DSCAM: variants seen among roughly 807,000 people sequenced by gnomAD.
The protein encoded by DSCAM is DS cell adhesion molecule, also known as cell adhesion molecule DSCAM.
DSCAM carries 47 observed loss-of-function variants against 217.7 expected under a neutral mutation model. The ratio of observed to expected loss-of-function variants is 0.22; its 90% confidence interval spans 0.17 to 0.28. The LOEUF is 0.28. Ranked by LOEUF, DSCAM falls within the 10% of genes least tolerant of loss-of-function variation. The pLI, the probability that DSCAM is intolerant of heterozygous loss-of-function variation, is 1.00. For synonymous variants in DSCAM, 1,056 were observed against 1,015.3 expected (o/e 1.04, Z -0.76); for missense variants, 2,080 against 2,618.3 (o/e 0.79, Z 4.49).
chr21:40,709,697 C>T (rs973507150), intron 1 of DSCAM, among the ~76,000 whole-genome samples: 51 of 152,182 alleles, frequency 3.4e-4, no homozygotes, highest in Non-Finnish European at 6.6e-4. Flanking sequence ...GCATAGTATT[C>T]CATGGTGTGT....
rs1251108584 is a variant in DSCAM, at chr21:40,825,266, T to TTTCCTTCTTTCCTTCC, written c.43+21352_43+21353insGGAAGGAAAGAAGGAA. Among the ~76,000 whole-genome samples, 595 of 140,060 alleles carry TTTCCTTCTTTCCTTCC rather than the reference T, an allele frequency of 4.2e-3. 9 individuals are homozygous for TTTCCTTCTTTCCTTCC. The highest frequency in any genetic ancestry group is 0.038 in the East Asian group (177 of 4,694). The allele number at this position is 140,060 out of a possible 152,430, so 91.9% of individuals were successfully genotyped here. ...AGGTGTTCAGTGAACATTTTCTTTC[T>TTTCCTTCTTTCCTTCC]TTCCTTCCTTCCTTCCTTCCTTCCT... On this transcript the variant is annotated intron_variant, in intron 1 of 32. Transcript: ENST00000400454.
At chr21:40,387,734 C>T (rs1443626634) in intron 3 of DSCAM, among the ~76,000 whole-genome samples, 5 of 151,976 alleles carry the variant, frequency 3.3e-5, no homozygotes, top group Admixed American at 6.5e-5. Context: ...TGAAATAACT[C>T]GACAATGTTT....
chr21:40,637,131 A>G (rs2089774115), intron 3 of DSCAM, among the ~76,000 whole-genome samples: 1 of 81,206 alleles, frequency 1.2e-5, no homozygotes, highest in African/African-American at 4.9e-5. Context: ...ATATATATAA[A>G]TATATAAATA....
intron 1 of DSCAM, among the ~76,000 whole-genome samples, chr21:40,715,633 A>T (rs1042737411): frequency 2.0e-5 from 3 of 152,232 alleles, no homozygotes; most frequent in African/African-American, 7.2e-5. Context: ...GATCAGAAGC[A>T]TAGTTAATAG....
At chr21:40,295,072 G>A (rs186672208) in intron 10 of DSCAM, among the ~76,000 whole-genome samples, 19 of 152,020 alleles carry the variant, frequency 1.2e-4, no homozygotes, top group Non-Finnish European at 2.4e-4. Context: ...ATGAGAAAAT[G>A]CAACATGCTA....
At chr21:40,319,803 TCTCA>T (rs1156414128) in intron 8 of DSCAM, among the ~76,000 whole-genome samples, 1 of 152,152 alleles carries the variant, frequency 6.6e-6, no homozygotes, top group Non-Finnish European at 1.5e-5. Flanking sequence ...ATTTCACAAT[TCTCA>T]CTCAGAGTGG....
intron 3 of DSCAM, among the ~76,000 whole-genome samples, chr21:40,517,031 A>ATATATATATATACCT (rs752018161): frequency 1.4e-5 from 2 of 146,610 alleles, no homozygotes; most frequent in Non-Finnish European, 3.0e-5. Flanking sequence ...TAACATATGT[A>ATATATATATATACCT]TATATATATA....
chr21:40,845,930 T>C (rs538949130), intron 1 of DSCAM, among the ~76,000 whole-genome samples: 1 of 152,194 alleles, frequency 6.6e-6, no homozygotes, highest in South Asian at 2.1e-4. Flanking sequence ...AAATATAATA[T>C]TGGCTGGGCA....
intron 3 of DSCAM, among the ~76,000 whole-genome samples, chr21:40,436,274 C>T (rs2075581739): frequency 6.6e-6 from 1 of 152,136 alleles, no homozygotes; most frequent in African/African-American, 2.4e-5. Flanking sequence ...TTTTATAATT[C>T]AGAAATTACA....
At chr21:40,535,332 A>G (rs2076486954) in intron 3 of DSCAM, among the ~76,000 whole-genome samples, 1 of 152,192 alleles carries the variant, frequency 6.6e-6, no homozygotes, top group African/African-American at 2.4e-5. Context: ...CCTCAACCAT[A>G]ATGTCAGACA....
intron 3 of DSCAM, among the ~76,000 whole-genome samples, chr21:40,561,066 A>G (rs1804909840): frequency 1.3e-5 from 2 of 152,248 alleles, no homozygotes; most frequent in African/African-American, 4.8e-5. Context: ...GCTTTGGGGA[A>G]AGAAGGAAAA....
At chr21:40,294,783 G>A (rs2078143251) in intron 10 of DSCAM, among the ~76,000 whole-genome samples, 1 of 152,210 alleles carries the variant, frequency 6.6e-6, no homozygotes, top group Admixed American at 6.5e-5. Context: ...GCACAATGGA[G>A]CTTCAAATAC....
At chr21:40,366,518 C>G (rs2074834457) in intron 4 of DSCAM, among the ~76,000 whole-genome samples, 1 of 152,050 alleles carries the variant, frequency 6.6e-6, no homozygotes, top group Non-Finnish European at 1.5e-5. Flanking sequence ...TTATACTGCT[C>G]TTTCAAAGCT....
At chr21:40,446,220 T>C (rs2075673709) in intron 3 of DSCAM, among the ~76,000 whole-genome samples, 1 of 152,226 alleles carries the variant, frequency 6.6e-6, no homozygotes, top group Non-Finnish European at 1.5e-5. Flanking sequence ...GTTTACAGTG[T>C]TCCTGAAAGA....
chr21:40,490,845 C>A (rs2076070940), intron 3 of DSCAM, among the ~76,000 whole-genome samples: 1 of 152,198 alleles, frequency 6.6e-6, no homozygotes, highest in Non-Finnish European at 1.5e-5. Flanking sequence ...GGGATTTTTG[C>A]TGACTTCTAT....
Position 40,061,583 on chromosome 21 carries a change from A to G in DSCAM, c.4919+1286T>C, listed in dbSNP as rs1410856783. Among the ~76,000 whole-genome samples the G allele has an allele frequency of 5.5e-3, 618 of 112,202 alleles. 8 individuals carry two copies. Among genetic ancestry groups the G allele is most frequent in the African/African-American group, 0.018 (587 of 32,604 alleles). The allele number at this position is 112,202 out of a possible 152,430, so 73.6% of individuals were successfully genotyped here. A position where few individuals can be genotyped will look rare whatever the true frequency, so the allele number is the denominator to read the frequency against. On this transcript the variant is annotated intron_variant, in intron 28 of 32. Transcript: ENST00000400454. ...AAACTCTGTCCCAAAAAAAAAAAAA[A>G]AAGAAAAAGGAAAAGACTTATCCTT...
At chr21:40,527,330 T>G (rs1262295902) in intron 3 of DSCAM, among the ~76,000 whole-genome samples, 1 of 152,224 alleles carries the variant, frequency 6.6e-6, no homozygotes, top group Non-Finnish European at 1.5e-5. Context: ...TCTAGCCACA[T>G]GGGGCATCTT....
At chr21:40,685,730 C>A (rs1400298053) in intron 3 of DSCAM, among the ~76,000 whole-genome samples, 2 of 152,176 alleles carry the variant, frequency 1.3e-5, no homozygotes, top group Admixed American at 1.3e-4. Context: ...CCTGGCAGAT[C>A]ACCAAACCTG....
intron 1 of DSCAM, among the ~76,000 whole-genome samples, chr21:40,820,898 G>A (rs2091919483): frequency 6.6e-6 from 1 of 151,742 alleles, no homozygotes; most frequent in East Asian, 1.9e-4. Context: ...AATTTATTAT[G>A]CTTTTAACTT....
Sources: gnomAD v4.1 joint callset for allele counts (sites outside exome capture counted in the v4.1 genomes callset) on GRCh38, gnomAD v4.1.1 for gene constraint, MANE v1.5 for transcripts, NCBI Gene and HGNC (gene_info 2026-07-23, HGNC 2026-07-21) for gene names.